The following MDGA2 variants were observed in gnomAD, a reference collection of about 807,000 sequenced individuals.
MDGA2 encodes MAM domain containing glycosylphosphatidylinositol anchor 2.
A neutral mutation model predicts 117.8 loss-of-function variants in MDGA2; 40 were observed. The observed-to-expected ratio is 0.34, with a 90% CI of 0.26 to 0.44. The LOEUF (loss-of-function observed/expected upper bound fraction) is 0.44. MDGA2 is among the 20% of genes least tolerant of loss of function. MDGA2 has a pLI of 1.00. For missense variants in MDGA2, 1,123 were observed against 1,250.6 expected, an observed-to-expected ratio of 0.90 and a Z score of 1.54; for synonymous variants, 452 against 439.0, an observed-to-expected ratio of 1.03 and a Z score of -0.37.
intron 3 of MDGA2, among the ~76,000 whole-genome samples, chr14:47,191,939 GA>G (rs1200267027): frequency 6.6e-6 from 1 of 152,124 alleles, no homozygotes; most frequent in Non-Finnish European, 1.5e-5. Flanking sequence ...ATGTAAATGA[GA>G]AAAACCATCC....
intron 1 of MDGA2, among the ~76,000 whole-genome samples, chr14:47,398,458 A>C (rs1892063461): frequency 6.6e-6 from 1 of 152,116 alleles, no homozygotes; most frequent in African/African-American, 2.4e-5. Flanking sequence ...ATGAAGAAAA[A>C]ACTATTTTTT....
chr14:46,890,757 C>T (rs1882849675), intron 10 of MDGA2, among the ~76,000 whole-genome samples: 1 of 152,034 alleles, frequency 6.6e-6, no homozygotes, highest in Non-Finnish European at 1.5e-5. Context: ...TTAAAGAAAA[C>T]TAAGCATTAA....
Position 47,273,820 on chromosome 14 carries a change from G to A in MDGA2, c.420+27591C>T, listed in dbSNP as rs564531484. 3.9e-5 allele frequency among the ~76,000 whole-genome samples: 6 copies of A among 152,212 alleles called. No individual in the cohort carries two copies. In the South Asian group the frequency reaches 1.2e-3, roughly 32 times the overall value. ...TCCCTATGCATGAAGACCTATGCCA[G>A]ACCCTGGCAAAAGTTTAGAAAAACA... On this transcript the variant is annotated intron_variant, in intron 2 of 16. Transcript: ENST00000399232.
intron 3 of MDGA2, among the ~76,000 whole-genome samples, chr14:47,201,599 C>G (rs968354985): frequency 6.6e-6 from 1 of 152,182 alleles, no homozygotes; most frequent in Non-Finnish European, 1.5e-5. Flanking sequence ...GACCTCTAAC[C>G]CAACTGTTGC....
chr14:47,087,801 C>CA (rs11418956), intron 6 of MDGA2, among the ~76,000 whole-genome samples: 3,993 of 139,236 alleles, frequency 0.029, 64 homozygotes, highest in South Asian at 0.042. Flanking sequence ...TGTAGGGTAT[C>CA]AAAAAAAAAA....
At chr14:46,912,062 C>T (rs1883725314) in intron 10 of MDGA2, among the ~76,000 whole-genome samples, 1 of 152,008 alleles carries the variant, frequency 6.6e-6, no homozygotes, top group South Asian at 2.1e-4. Flanking sequence ...GAAAGGAAAC[C>T]AGAGAAATCC....
intron 2 of MDGA2, among the ~76,000 whole-genome samples, chr14:47,287,579 ATATTAT>A (rs1270729810): frequency 6.6e-6 from 1 of 152,110 alleles, no homozygotes; most frequent in African/African-American, 2.4e-5. Context: ...AGTATACAAC[ATATTAT>A]TATTAACTAT....
intron 1 of MDGA2, among the ~76,000 whole-genome samples, chr14:47,670,726 C>T (rs1236094216): frequency 2.0e-5 from 3 of 152,036 alleles, no homozygotes; most frequent in South Asian, 4.1e-4. Flanking sequence ...AAAATAGATA[C>T]CAGTTCATTT....
chr14:46,881,052 C>A (rs950581456), intron 11 of MDGA2, among the ~76,000 whole-genome samples: 1 of 119,684 alleles, frequency 8.4e-6, no homozygotes, highest in African/African-American at 2.6e-5. Context: ...AAACATTTAG[C>A]ATTTTTTAAC....
intron 1 of MDGA2, among the ~76,000 whole-genome samples, chr14:47,627,449 G>A (rs866653257): frequency 6.6e-6 from 1 of 152,160 alleles, no homozygotes; most frequent in African/African-American, 2.4e-5. Flanking sequence ...TCTAGCTCAA[G>A]GTTTGTGAAT....
At position 47,177,674 on chromosome 14, in the gene MDGA2, T is replaced by C. The variant is rs1334020861; in HGVS notation, c.596-33400A>G. 2.0e-5 allele frequency among the ~76,000 whole-genome samples: 3 copies of C among 152,062 alleles called. No homozygotes were observed. The East Asian group carries it at 5.8e-4, about 29-fold the overall frequency. On this transcript the variant is annotated intron_variant, in intron 3 of 16. Coordinates refer to ENST00000399232, the MANE Select transcript of MDGA2 (RefSeq NM_001113498.3). ...GTGGCATGAGGGCAGTGGGGAGGGA[T>C]AGCAGTAGGAGATATACCTAATGCT...
intron 1 of MDGA2, among the ~76,000 whole-genome samples, chr14:47,515,563 A>G (rs1894734096): frequency 6.6e-6 from 1 of 152,164 alleles, no homozygotes; most frequent in Admixed American, 6.6e-5. Flanking sequence ...AGTACTTAAG[A>G]CAGAGATGAG....
intron 7 of MDGA2, among the ~76,000 whole-genome samples, chr14:47,053,119 C>T (rs1452756208): frequency 2.0e-5 from 3 of 151,932 alleles, no homozygotes; most frequent in African/African-American, 4.8e-5. Context: ...AAGCTTTCCA[C>T]TGCATGGATA....
chr14:46,942,427 T>C (rs925090766), intron 9 of MDGA2, among the ~76,000 whole-genome samples: 1 of 152,164 alleles, frequency 6.6e-6, no homozygotes, highest in Non-Finnish European at 1.5e-5. Flanking sequence ...AATTTACATA[T>C]AATAAACTTC....
chr14:47,651,656 C>G (rs1362556670), intron 1 of MDGA2, among the ~76,000 whole-genome samples: 1 of 151,898 alleles, frequency 6.6e-6, no homozygotes, highest in Non-Finnish European at 1.5e-5. Context: ...GGGGTACTCA[C>G]AGGGCAAATG....
chr14:46,886,983 G>C (rs1882701836), intron 10 of MDGA2, among the ~76,000 whole-genome samples: 1 of 152,028 alleles, frequency 6.6e-6, no homozygotes, highest in Admixed American at 6.6e-5. Flanking sequence ...GGTTCAATGA[G>C]ATCTAAAAAT....
In MDGA2 at chr14:46,858,424, TTTTC is replaced by T. The variant is rs1417751135; in HGVS notation, c.2753-3274_2753-3271del. Among the ~76,000 whole-genome samples, 141 of 139,176 alleles carry T rather than the reference TTTTC, an allele frequency of 1.0e-3. 2 individuals are homozygous for T. Among genetic ancestry groups the T allele is most frequent in the African/African-American group, 3.7e-3 (132 of 35,298 alleles). The allele number at this position is 139,176 out of a possible 152,430, so 91.3% of individuals were successfully genotyped here. On this transcript the variant is annotated intron_variant, in intron 14 of 16. Transcript: ENST00000399232. Reference sequence around the variant, plus strand: ...TTTTCTTTTCTTTTTCTTTTTCTTTTTTTCTTTTTTTTTTTTTTTTTGAGACGGA... The same window carrying T: ...TTTTCTTTTCTTTTTCTTTTTCTTTTTTTTTTTTTTTTTTTTTGAGACGGA...
intron 9 of MDGA2, among the ~76,000 whole-genome samples, chr14:46,956,333 CATAA>C (rs1438404595): frequency 7.2e-5 from 11 of 151,812 alleles, no homozygotes; most frequent in Non-Finnish European, 8.8e-5. Context: ...ATTTGTCACT[CATAA>C]ATAATGTACA....
intron 9 of MDGA2, among the ~76,000 whole-genome samples, chr14:46,947,342 A>G (rs1885207677): frequency 6.6e-6 from 1 of 152,100 alleles, no homozygotes; most frequent in African/African-American, 2.4e-5. Context: ...TCTATAAATA[A>G]CTTTTCAAAC....
Sources: gnomAD v4.1 joint callset for allele counts (sites outside exome capture counted in the v4.1 genomes callset) on GRCh38, gnomAD v4.1.1 for gene constraint, MANE v1.5 for transcripts, NCBI Gene and HGNC (gene_info 2026-07-23, HGNC 2026-07-21) for gene names.